The following SOX6 variants were observed in gnomAD, a reference collection of about 807,000 sequenced individuals.
The protein encoded by SOX6 is SRY-box transcription factor 6.
SOX6 carries 11 observed loss-of-function variants against 97.8 expected under a neutral mutation model. The observed-to-expected ratio is 0.11, with a 90% CI of 0.07 to 0.19. SOX6 has a LOEUF of 0.19. SOX6 is among the 10% of genes least tolerant of loss of function. The pLI is 1.00. For synonymous variants in SOX6, 360 were observed against 371.4 expected, an observed-to-expected ratio of 0.97 and a Z score of 0.35; for missense variants, 810 against 1,039.5, an observed-to-expected ratio of 0.78 and a Z score of 3.04.
intron 4 of SOX6, among the ~76,000 whole-genome samples, chr11:16,227,731 A>G (rs557444355): frequency 6.6e-6 from 1 of 152,286 alleles, no homozygotes; most frequent in Admixed American, 6.5e-5. Context: ...TAACCCCCTA[A>G]AACAGCAGAA....
At chr11:16,228,951 T>C (rs187793220) in intron 4 of SOX6, among the ~76,000 whole-genome samples, 389 of 152,304 alleles carry the variant, frequency 2.6e-3, no homozygotes, top group African/African-American at 8.8e-3. Context: ...CACTGGTTTT[T>C]TAAGTAAAAT....
At chr11:16,631,657 A>G (rs1159639764) in intron 3 of SOX6, among the ~76,000 whole-genome samples, 1 of 152,162 alleles carries the variant, frequency 6.6e-6, no homozygotes, top group Non-Finnish European at 1.5e-5. Flanking sequence ...TTCTTAAATA[A>G]TTCCCTCAAA....
At chr11:16,332,956 T>A (rs1418699900) in intron 2 of SOX6, among the ~76,000 whole-genome samples, 2 of 152,140 alleles carry the variant, frequency 1.3e-5, no homozygotes, top group African/African-American at 4.8e-5. Context: ...TTAATACATA[T>A]TCATTATAGG....
intron 4 of SOX6, among the ~76,000 whole-genome samples, chr11:16,222,871 A>T (rs949810813): frequency 6.6e-6 from 1 of 152,168 alleles, no homozygotes; most frequent in African/African-American, 2.4e-5. Context: ...TACAAATAAG[A>T]AAACTAATCC....
In SOX6 at chr11:16,613,676, C is replaced by T. The variant is rs535868157; in HGVS notation, n.430-1416G>A. ...ACAGACACGCGCGTATTCTGAAATT[C>T]TGGCCGAACTCCTCATCTAAACGGA... On this transcript the variant is annotated intron_variant and non_coding_transcript_variant, in intron 3 of 5. Coordinates refer to the SOX6 transcript ENST00000524520. This position sits in a 1 kb window ranked among gnomAD's most constrained non-coding sequence, Gnocchi z 4.6. 1.3e-4 allele frequency among the ~76,000 whole-genome samples: 20 copies of T among 152,320 alleles called. No homozygotes were observed. In the South Asian group the frequency reaches 3.9e-3, roughly 30 times the overall value.
At position 16,583,606 on chromosome 11, in the gene SOX6, T is replaced by TATATACAC. The variant is rs1554976084; in HGVS notation, n.609+28474_609+28475insGTGTATAT. Among the ~76,000 whole-genome samples, 376 of 80,548 alleles carry TATATACAC rather than the reference T, an allele frequency of 4.7e-3. 6 individuals carry two copies. The highest frequency in any genetic ancestry group is 0.016 in the African/African-American group (360 of 21,966). The allele number at this position is 80,548 out of a possible 152,430, so 52.8% of individuals were successfully genotyped here. ...ATATATATATATGTATATATGTGTA[T>TATATACAC]ATATATACATATATATATATATATA... On this transcript the variant is annotated intron_variant and non_coding_transcript_variant, in intron 4 of 5. Coordinates refer to the SOX6 transcript ENST00000524520.
intron 6 of SOX6, among the ~76,000 whole-genome samples, chr11:16,125,727 T>C (rs1849592088): frequency 6.6e-6 from 1 of 151,602 alleles, no homozygotes; most frequent in Non-Finnish European, 1.5e-5. Flanking sequence ...GGAAGGATGG[T>C]GGTTCACTCA....
intron 4 of SOX6, among the ~76,000 whole-genome samples, chr11:16,547,247 C>A (rs1279845951): frequency 1.3e-5 from 2 of 152,114 alleles, no homozygotes; most frequent in African/African-American, 4.8e-5. Flanking sequence ...TATCATCCAG[C>A]AATCTTGCCA....
At chr11:16,428,118 T>C (rs951440498) in intron 1 of SOX6, among the ~76,000 whole-genome samples, 4 of 152,258 alleles carry the variant, frequency 2.6e-5, no homozygotes, top group African/African-American at 7.2e-5. Flanking sequence ...TTTGGCTGCA[T>C]AAATGTCTTC....
At chr11:16,639,638 T>G (rs994794534) in intron 3 of SOX6, among the ~76,000 whole-genome samples, 17 of 152,242 alleles carry the variant, frequency 1.1e-4, no homozygotes, top group East Asian at 9.6e-4. Flanking sequence ...CACATCCGTT[T>G]TAAGTTGGAT....
At chr11:16,732,838 A>G (rs1848361544) in intron 2 of SOX6, among the ~76,000 whole-genome samples, 2 of 152,228 alleles carry the variant, frequency 1.3e-5, no homozygotes, top group Non-Finnish European at 2.9e-5. Context: ...CAATCTATCC[A>G]TCTGACAAAG....
chr11:16,338,553 C>A (rs1856535289), intron 2 of SOX6, among the ~76,000 whole-genome samples: 1 of 151,954 alleles, frequency 6.6e-6, no homozygotes, highest in Admixed American at 6.6e-5. Context: ...AATGCAGCTG[C>A]TATTTCCCAT....
intron 2 of SOX6, among the ~76,000 whole-genome samples, chr11:16,334,209 C>T (rs992733160): frequency 2.0e-5 from 3 of 151,946 alleles, no homozygotes. Context: ...AAAAAAGATA[C>T]TAATGTCCGA....
chr11:16,317,364 A>G (rs1173143252), intron 3 of SOX6: 1 of 151,838 alleles, frequency 6.6e-6, no homozygotes, highest in African/African-American at 2.4e-5. Context: ...AATCCTCAAA[A>G]TGTTTAAGTT....
intron 1 of SOX6, among the ~76,000 whole-genome samples, chr11:16,388,408 G>C (rs1389255199): frequency 1.3e-5 from 2 of 152,022 alleles, no homozygotes; most frequent in Admixed American, 1.3e-4. Context: ...TTTGGTGTTA[G>C]GGTTATGCTG....
intron 1 of SOX6, among the ~76,000 whole-genome samples, chr11:16,436,052 T>A (rs992109840): frequency 6.6e-6 from 1 of 152,086 alleles, no homozygotes; most frequent in African/African-American, 2.4e-5. Flanking sequence ...AGCAACAAGC[T>A]CCGATTGACA....
Position 16,155,185 on chromosome 11 carries a change from A to G in SOX6, c.777+28701T>C, listed in dbSNP as rs182918211. Among the ~76,000 whole-genome samples, 3 of 152,252 alleles carry G rather than the reference A, an allele frequency of 2.0e-5. No homozygotes were observed. The East Asian group carries it at 5.8e-4, about 29-fold the overall frequency. ...ACCTCTGCTCTGAAAGATACATCAC[A>G]TAGTGGTTAGGATCCAGGGCTCTAG... is the stretch of plus-strand genomic sequence containing the variant. On this transcript the variant is annotated intron_variant, in intron 6 of 15. Transcript: ENST00000683767.
chr11:16,225,104 G>C (rs534747858), intron 4 of SOX6, among the ~76,000 whole-genome samples: 1 of 152,138 alleles, frequency 6.6e-6, no homozygotes, highest in Non-Finnish European at 1.5e-5. Flanking sequence ...TCAGTCTCTA[G>C]ATCAATATAG....
At chr11:16,435,294 T>A (rs1276466590) in intron 1 of SOX6, among the ~76,000 whole-genome samples, 1 of 152,182 alleles carries the variant, frequency 6.6e-6, no homozygotes, top group East Asian at 1.9e-4. Context: ...AAAGTTAGCC[T>A]TAGAACATAT....
Sources: allele counts gnomAD v4.1 joint callset (sites outside exome capture counted in the v4.1 genomes callset), GRCh38; gene constraint gnomAD v4.1.1; non-coding constraint Gnocchi (gnomAD v3.1); transcripts MANE v1.5; gene names NCBI Gene and HGNC (gene_info 2026-07-23, HGNC 2026-07-21).